The following DCUN1D3 variants were observed in gnomAD, a reference collection of about 807,000 sequenced individuals.
DCUN1D3 encodes the protein defective in cullin neddylation 1 domain containing 3, also known as DCN1-like protein 3.
In DCUN1D3, 6 loss-of-function variants were observed where a neutral mutation model predicts 24.8. The observed-to-expected ratio is 0.24, with a 90% CI of 0.13 to 0.48. DCUN1D3 has a LOEUF of 0.48. DCUN1D3 is among the 20% of genes least tolerant of loss of function. The pLI is 0.99. For synonymous variants in DCUN1D3, 120 were observed against 144.9 expected (o/e 0.83, Z 1.24); for missense variants, 258 against 379.4 (o/e 0.68, Z 2.66).
chr16:20,859,724 C>A lies in DCUN1D3; in HGVS notation c.*162G>T. 1 of 985,416 alleles carries A rather than the reference C, an allele frequency of 1.0e-6. No homozygotes were observed. Among genetic ancestry groups the A allele is most frequent in the Non-Finnish European group, 1.4e-6 (1 of 712,476 alleles). 61.0% of individuals were successfully genotyped at this position (985,416 alleles called of 1,614,324 possible). ...ATAACCAAAAAAATGAAGAAAGTGC[C>A]TAAAACATGATACAGCATTTTAGAG... On this transcript the variant is annotated 3_prime_UTR_variant, in exon 3 of 3. Coordinates refer to ENST00000324344, the MANE Select transcript of DCUN1D3 (RefSeq NM_173475.4).
At chr16:20,875,563 T>G (rs1428529275) in intron 1 of DCUN1D3, among the ~76,000 whole-genome samples, 2 of 152,162 alleles carry the variant, frequency 1.3e-5, no homozygotes, top group African/African-American at 4.8e-5. Context: ...CACTGTGAAC[T>G]AAATGACTAT....
chr16:20,878,423 T>C (rs2081826844), intron 1 of DCUN1D3, among the ~76,000 whole-genome samples: 1 of 152,222 alleles, frequency 6.6e-6, no homozygotes, highest in Non-Finnish European at 1.5e-5. Flanking sequence ...AAATCACTTC[T>C]GCCTCTCTTT....
At chr16:20,881,562 A>T (rs1172532145) in intron 1 of DCUN1D3, among the ~76,000 whole-genome samples, 1 of 152,070 alleles carries the variant, frequency 6.6e-6, no homozygotes, top group Non-Finnish European at 1.5e-5. Flanking sequence ...AGCTTGATAA[A>T]CGTTCCCTCC....
intron 1 of DCUN1D3, among the ~76,000 whole-genome samples, chr16:20,884,432 T>A (rs1436867697): frequency 6.6e-6 from 1 of 152,104 alleles, no homozygotes; most frequent in African/African-American, 2.4e-5. Context: ...GTATCCAGAC[T>A]CATCAACCAT....
At chr16:20,866,440 C>T (rs1288633705) in intron 1 of DCUN1D3, among the ~76,000 whole-genome samples, 1 of 152,084 alleles carries the variant, frequency 6.6e-6, no homozygotes, top group Non-Finnish European at 1.5e-5. Flanking sequence ...TACCCCAGGC[C>T]ACTCACCCCG....
At chr16:20,870,089 C>G (rs2081780775) in intron 1 of DCUN1D3, among the ~76,000 whole-genome samples, 1 of 152,196 alleles carries the variant, frequency 6.6e-6, no homozygotes, top group African/African-American at 2.4e-5. Context: ...CACTCTCGAG[C>G]AAGCCACTTA....
intron 1 of DCUN1D3, among the ~76,000 whole-genome samples, chr16:20,876,843 A>AAGCACAGAAAGACAAAT (rs2081818259): frequency 6.6e-6 from 1 of 152,238 alleles, no homozygotes; most frequent in African/African-American, 2.4e-5. Flanking sequence ...GAAATAAACC[A>AAGCACAGAAAGACAAAT]AGCACAGAAA....
At position 20,856,141 on chromosome 16, in the gene DCUN1D3, A is replaced by C. The variant is rs1343335911; in HGVS notation, c.*3745T>G. The stretch of plus-strand genomic sequence containing the variant: ...TGAAGACCTCATTTGGAATCTGGCA[A>C]ACCAAACATTCTTAAATACATAGGT... On this transcript the variant is annotated 3_prime_UTR_variant, in exon 3 of 3. Coordinates refer to ENST00000324344, the MANE Select transcript of DCUN1D3 (RefSeq NM_173475.4). 1 of 152,200 alleles carries C rather than the reference A, an allele frequency of 6.6e-6. No individual in the cohort carries two copies. Among genetic ancestry groups the C allele is most frequent in the Admixed American group, 6.5e-5 (1 of 15,284 alleles). The allele number at this position is 152,200 out of a possible 1,614,324, so 9.4% of individuals were successfully genotyped here. A position where few individuals can be genotyped will look rare whatever the true frequency, so the allele number is the denominator to read the frequency against.
chr16:20,859,466 G>C lies in DCUN1D3; in HGVS notation c.*420C>G, dbSNP rs970758587. 6.3e-6 allele frequency: 1 copy of C among 159,708 alleles called. No homozygotes were observed. The highest frequency in any genetic ancestry group is 1.3e-5 in the Non-Finnish European group (1 of 76,822). 9.9% of individuals were successfully genotyped at this position (159,708 alleles called of 1,614,324 possible). A position where few individuals can be genotyped will look rare whatever the true frequency, so the allele number is the denominator to read the frequency against. On this transcript the variant is annotated 3_prime_UTR_variant, in exon 3 of 3. Transcript: ENST00000324344. ...AAACAATATGCGAAACTGAGATCTG[G>C]CACTGTATCATTTTGTAATGTTAAT... is the stretch of plus-strand genomic sequence containing the variant.
At chr16:20,889,067 A>C (rs1199830653) in intron 1 of DCUN1D3, among the ~76,000 whole-genome samples, 1 of 152,168 alleles carries the variant, frequency 6.6e-6, no homozygotes, top group Non-Finnish European at 1.5e-5. Flanking sequence ...ATCTCTACTA[A>C]AAACACAAAA....
chr16:20,860,295 A>C lies in DCUN1D3; in HGVS notation c.506T>G (p.Leu169Arg). 1 of 1,614,212 alleles carries C rather than the reference A, an allele frequency of 6.2e-7. No homozygotes were observed. The highest frequency in any genetic ancestry group is 8.5e-7 in the Non-Finnish European group (1 of 1,180,044). ...ATCCTCTTGTTTGGCTTCTGTTAAG[A>C]GGCTAGGGAACCGTGCACAGATTCC... ...IDGICARFPSLLTEAKQEDKF... is the reference protein window; with the variant it reads ...IDGICARFPSRLTEAKQEDKF... The change falls in exon 3 of 3, where the codon CTC (leucine) becomes CGC (arginine). Residue 169 changes from leucine (L) to arginine (R), a missense_variant. Transcript: ENST00000324344. This position sits in a 1 kb window ranked among gnomAD's most constrained non-coding sequence, Gnocchi z 4.3.
intron 1 of DCUN1D3, among the ~76,000 whole-genome samples, chr16:20,865,032 T>A (rs907211939): frequency 6.6e-6 from 1 of 152,034 alleles, no homozygotes; most frequent in African/African-American, 2.4e-5. Context: ...AAAAGATAAT[T>A]ACTGGGCTCT....
chr16:20,880,061 T>C (rs1340487538), intron 1 of DCUN1D3, among the ~76,000 whole-genome samples: 1 of 152,218 alleles, frequency 6.6e-6, no homozygotes, highest in Non-Finnish European at 1.5e-5. Flanking sequence ...CAGTAAGTCC[T>C]TAAACCGAAT....
chr16:20,892,768 A>G (rs999665287), intron 1 of DCUN1D3, among the ~76,000 whole-genome samples: 2 of 152,174 alleles, frequency 1.3e-5, no homozygotes, highest in African/African-American at 4.8e-5. Flanking sequence ...GGGGGAAAAA[A>G]AGAAAACTTA....
chr16:20,880,999 C>T (rs1162857840), intron 1 of DCUN1D3, among the ~76,000 whole-genome samples: 1 of 152,004 alleles, frequency 6.6e-6, no homozygotes, highest in Non-Finnish European at 1.5e-5. Flanking sequence ...ACAGCATACT[C>T]CGATAGAGTG....
At chr16:20,893,417 C>T (rs1340459479) in intron 1 of DCUN1D3, among the ~76,000 whole-genome samples, 1 of 152,168 alleles carries the variant, frequency 6.6e-6, no homozygotes, top group African/African-American at 2.4e-5. Context: ...AAGAGATTCT[C>T]CCGTCTAAGC....
At chr16:20,865,168 AAAAT>A (rs1420185201) in intron 1 of DCUN1D3, among the ~76,000 whole-genome samples, 14 of 152,192 alleles carry the variant, frequency 9.2e-5, no homozygotes, top group African/African-American at 3.1e-4. Flanking sequence ...AAAGTTACCA[AAAAT>A]AAATAAATAA....
intron 1 of DCUN1D3, among the ~76,000 whole-genome samples, chr16:20,891,205 G>A (rs2081890819): frequency 6.6e-6 from 1 of 151,984 alleles, no homozygotes; most frequent in South Asian, 2.1e-4. Flanking sequence ...TCTTGGCCAG[G>A]CTAGTCTTGA....
At chr16:20,874,928 A>G (rs748350548) in intron 1 of DCUN1D3, among the ~76,000 whole-genome samples, 2 of 151,994 alleles carry the variant, frequency 1.3e-5, no homozygotes, top group Non-Finnish European at 2.9e-5. Context: ...GGAGCTCTAT[A>G]CCTGTTGGAA....
Sources: allele counts gnomAD v4.1 joint callset (sites outside exome capture counted in the v4.1 genomes callset), GRCh38; gene constraint gnomAD v4.1.1; non-coding constraint Gnocchi (gnomAD v3.1); transcripts MANE v1.5; gene names NCBI Gene and HGNC (gene_info 2026-07-23, HGNC 2026-07-21).